The following NELL1 variants were observed in gnomAD, a reference collection of about 807,000 sequenced individuals.
NELL1 encodes neural EGFL like 1, also known as protein kinase C-binding protein NELL1.
In NELL1, 76 loss-of-function variants were observed where a neutral mutation model predicts 107.4. The observed-to-expected ratio is 0.71, with a 90% CI of 0.59 to 0.86. NELL1 has a LOEUF of 0.86. Among genes scored for constraint, NELL1 ranks in the 40% least tolerant of loss-of-function variants. NELL1 has a pLI of 0.00. For synonymous variants in NELL1, 353 were observed against 341.2 expected (o/e 1.03, Z -0.38); for missense variants, 1,024 against 1,005.5 (o/e 1.02, Z -0.25).
intron 2 of NELL1, among the ~76,000 whole-genome samples, chr11:20,725,813 G>A (rs912089587): frequency 6.6e-6 from 1 of 152,114 alleles, no homozygotes; most frequent in African/African-American, 2.4e-5. Flanking sequence ...TAGGTATATT[G>A]TGTGATGCTG....
At chr11:20,858,634 C>T (rs1430946035) in intron 4 of NELL1, among the ~76,000 whole-genome samples, 1 of 152,210 alleles carries the variant, frequency 6.6e-6, no homozygotes, top group Non-Finnish European at 1.5e-5. Flanking sequence ...CCTGCTCCAA[C>T]ACCCCTGAAG....
At chr11:20,765,126 C>G (rs1359091845) in intron 2 of NELL1, among the ~76,000 whole-genome samples, 1 of 151,642 alleles carries the variant, frequency 6.6e-6, no homozygotes, top group Admixed American at 6.6e-5. Flanking sequence ...CTATTGCACT[C>G]TAGCCTGGGT....
Position 20,805,253 on chromosome 11 carries a change from A to G in NELL1, c.335+21423A>G, listed in dbSNP as rs571305663. Among the ~76,000 whole-genome samples the G allele has an allele frequency of 2.0e-5, 3 of 152,264 alleles. No individual in the cohort carries two copies. In the East Asian group the frequency reaches 5.8e-4, roughly 29 times the overall value. On this transcript the variant is annotated intron_variant, in intron 3 of 19. Coordinates refer to ENST00000357134, the MANE Select transcript of NELL1 (RefSeq NM_006157.5). Reference sequence around the variant, plus strand: ...TTTTGTTTTTACAACTCAGCCAGACACTTCATGTCTTTTGAATAAAGAGTT... The same window carrying G: ...TTTTGTTTTTACAACTCAGCCAGACGCTTCATGTCTTTTGAATAAAGAGTT...
chr11:21,414,420 A>G (rs770698626), intron 15 of NELL1, among the ~76,000 whole-genome samples: 2 of 152,092 alleles, frequency 1.3e-5, no homozygotes, highest in Non-Finnish European at 2.9e-5. Flanking sequence ...TATATACATT[A>G]TGAACATTTT....
intron 7 of NELL1, among the ~76,000 whole-genome samples, chr11:20,924,845 G>A (rs907492844): frequency 1.3e-5 from 2 of 152,188 alleles, no homozygotes; most frequent in Non-Finnish European, 2.9e-5. Context: ...TAAGTGATAA[G>A]TTGTTACTTT....
At chr11:20,826,775 T>C (rs920265272) in intron 3 of NELL1, among the ~76,000 whole-genome samples, 1 of 151,090 alleles carries the variant, frequency 6.6e-6, no homozygotes, top group Non-Finnish European at 1.5e-5. Flanking sequence ...CTAATCTCGG[T>C]ATTTGCCTGA....
intron 4 of NELL1, among the ~76,000 whole-genome samples, chr11:20,859,157 A>G (rs1263717938): frequency 1.3e-5 from 2 of 152,178 alleles, no homozygotes; most frequent in Non-Finnish European, 2.9e-5. Context: ...CACCCTTCCA[A>G]CAGCAGCTGC....
intron 15 of NELL1, among the ~76,000 whole-genome samples, chr11:21,474,616 C>T (rs1348576574): frequency 6.6e-6 from 1 of 152,130 alleles, no homozygotes; most frequent in Non-Finnish European, 1.5e-5. Flanking sequence ...GTACCCCTGT[C>T]CCTTTCACTG....
At chr11:20,911,074 TAA>T (rs1850121057) in intron 5 of NELL1, among the ~76,000 whole-genome samples, 1 of 152,184 alleles carries the variant, frequency 6.6e-6, no homozygotes, top group African/African-American at 2.4e-5. Context: ...AGGATATGAT[TAA>T]GAGAGAGAGA....
At chr11:20,838,806 ACC>A (rs1189608785) in intron 3 of NELL1, among the ~76,000 whole-genome samples, 1 of 152,150 alleles carries the variant, frequency 6.6e-6, no homozygotes, top group Non-Finnish European at 1.5e-5. Context: ...TAGTACAATT[ACC>A]ATTACCACTA....
chr11:20,938,938 CTCTGTGTG>C (rs1489473927), intron 10 of NELL1, among the ~76,000 whole-genome samples: 111 of 43,802 alleles, frequency 2.5e-3, no homozygotes, highest in Admixed American at 5.1e-3. Context: ...CTCTCTCTCT[CTCTGTGTG>C]TGTGTGTGTG....
At chr11:21,537,148 C>A (rs1856159883) in intron 16 of NELL1, among the ~76,000 whole-genome samples, 1 of 152,118 alleles carries the variant, frequency 6.6e-6, no homozygotes, top group African/African-American at 2.4e-5. Context: ...AAATCTGACC[C>A]TCACTTAGTT....
chr11:20,677,250 C>T (rs1249061783), intron 1 of NELL1, among the ~76,000 whole-genome samples: 1 of 152,178 alleles, frequency 6.6e-6, no homozygotes, highest in Non-Finnish European at 1.5e-5. Context: ...CCACTTTTTT[C>T]CTCCTTAACA....
In NELL1 at chr11:20,872,237, A is replaced by G. The variant is rs12275699; in HGVS notation, c.507-13207A>G. 6.0e-3 allele frequency among the ~76,000 whole-genome samples: 884 copies of G among 148,498 alleles called. 9 individuals carry two copies. Among genetic ancestry groups the G allele is most frequent in the African/African-American group, 0.021 (841 of 40,092 alleles). On this transcript the variant is annotated intron_variant, in intron 4 of 19. Coordinates refer to ENST00000357134, the MANE Select transcript of NELL1 (RefSeq NM_006157.5). ...TGCCTAGGCTGGAGTGCAGTGGCAC[A>G]ATCTGGGCTCACTGTAGCCTCAGCC...
At chr11:21,520,064 T>C (rs1046525440) in intron 15 of NELL1, among the ~76,000 whole-genome samples, 4 of 152,288 alleles carry the variant, frequency 2.6e-5, no homozygotes, top group African/African-American at 9.6e-5. Flanking sequence ...AGGTGCCCTT[T>C]AGACAGAGGA....
At chr11:21,037,221 CTTAAT>C (rs150963216) in intron 12 of NELL1, among the ~76,000 whole-genome samples, 19,145 of 151,918 alleles carry the variant, frequency 0.13, 1,290 homozygotes, top group South Asian at 0.19. Context: ...AATTTTGTAA[CTTAAT>C]TTAATTTTAA....
At chr11:21,372,749 A>G (rs1945453) in intron 15 of NELL1, among the ~76,000 whole-genome samples, 15,970 of 151,878 alleles carry the variant, frequency 0.11, 951 homozygotes, top group Admixed American at 0.15. Context: ...CATAGCAACT[A>G]CTGTAACATT....
intron 15 of NELL1, among the ~76,000 whole-genome samples, chr11:21,483,900 T>TATAA (rs989602432): frequency 4.7e-4 from 67 of 142,876 alleles, no homozygotes; most frequent in African/African-American, 1.7e-3. Context: ...TATATATATA[T>TATAA]AAAATATTCC....
At chr11:20,707,264 A>AAC (rs1854989581) in intron 2 of NELL1, among the ~76,000 whole-genome samples, 2 of 152,114 alleles carry the variant, frequency 1.3e-5, no homozygotes, top group Non-Finnish European at 2.9e-5. Context: ...CCATTCATCT[A>AAC]ATCTTTTTTC....
Sources: gnomAD v4.1 joint callset for allele counts (sites outside exome capture counted in the v4.1 genomes callset) on GRCh38, gnomAD v4.1.1 for gene constraint, MANE v1.5 for transcripts, NCBI Gene and HGNC (gene_info 2026-07-23, HGNC 2026-07-21) for gene names.